Variants in MINK1 observed in about 807,000 individuals in gnomAD.
MINK1 encodes misshapen like kinase 1.
In MINK1, 46 loss-of-function variants were observed where a neutral mutation model predicts 178.4. That is an observed-to-expected ratio of 0.26 (90% CI 0.20 to 0.33). MINK1 has a LOEUF of 0.33. Ranked by LOEUF, MINK1 falls within the 10% of genes least tolerant of loss-of-function variation. The pLI is 1.00. For missense variants in MINK1, 1,366 were observed against 1,814.9 expected, an observed-to-expected ratio of 0.75 and a Z score of 4.49; for synonymous variants, 797 against 709.7, an observed-to-expected ratio of 1.12 and a Z score of -1.96.
chr17:4,844,541 G>T (rs763594308), intron 1 of MINK1: 17 of 505,998 alleles, frequency 3.4e-5, no homozygotes, highest in Non-Finnish European at 2.0e-5. Flanking sequence ...CGTATACCTG[G>T]GTCTTTTTGA....
At chr17:4,888,992 G>A (rs938394287) in intron 12 of MINK1, among the ~76,000 whole-genome samples, 18 of 152,066 alleles carry the variant, frequency 1.2e-4, no homozygotes, top group African/African-American at 1.7e-4. Flanking sequence ...GAGCCACCGC[G>A]CCCAGCCACA....
At chr17:4,878,497 A>G (rs552349024) in intron 2 of MINK1, 115 bp downstream of exon 2, 2 of 927,410 alleles carry the variant, frequency 2.2e-6, no homozygotes, top group East Asian at 5.7e-5. Flanking sequence ...GAGATGCTAG[A>G]GTCTAGGGCC....
Position 4,887,892 on chromosome 17 carries a change from A to C in MINK1, c.1230+102A>C. 1 of 885,744 alleles carries C rather than the reference A, an allele frequency of 1.1e-6. No individual in the cohort carries two copies. The highest frequency in any genetic ancestry group is 3.6e-5 in the Admixed American group (1 of 27,670). 54.9% of individuals were successfully genotyped at this position (885,744 alleles called of 1,614,324 possible). A position where few individuals can be genotyped will look rare whatever the true frequency, so the allele number is the denominator to read the frequency against. ...ACAGGTTTTAAAATGCCTTAAATGA[A>C]TGGCATTTCTGTTGAAACAATTATA... On this transcript the variant is annotated intron_variant, in intron 12 of 31. Coordinates refer to ENST00000355280, the MANE Select transcript of MINK1 (RefSeq NM_153827.5). This position sits in a 1 kb window ranked among gnomAD's most constrained non-coding sequence, Gnocchi z 7.6.
intron 1 of MINK1, chr17:4,871,208 G>A (rs1193419705): frequency 2.8e-5 from 5 of 177,156 alleles, no homozygotes; most frequent in Non-Finnish European, 6.0e-5. Context: ...TTTTTTAGAG[G>A]CAGGGTCTCA....
chr17:4,886,852 C>T lies in MINK1; in HGVS notation c.949+226C>T, dbSNP rs1968252384. Among the ~76,000 whole-genome samples, 1 of 152,228 alleles carries T rather than the reference C, an allele frequency of 6.6e-6. No homozygotes were observed. Among genetic ancestry groups the T allele is most frequent in the South Asian group, 2.1e-4 (1 of 4,828 alleles). On this transcript the variant is annotated intron_variant, in intron 10 of 31. Coordinates refer to ENST00000355280, the MANE Select transcript of MINK1 (RefSeq NM_153827.5). The surrounding 1 kb of genome is among the most constrained non-coding windows in gnomAD (Gnocchi z 6.1). ...GGAGGACCGGCCTTTCGCATCCTTA[C>T]AAAAACTCCATGCTAAGCACATGTG...
chr17:4,891,543 C>T lies in MINK1; in HGVS notation c.1828C>T (p.Leu610=). Residue 610 remains leucine, a synonymous_variant, in exon 16 of 32, where the codon CTG becomes TTG. Coordinates refer to ENST00000355280, the MANE Select transcript of MINK1 (RefSeq NM_153827.5). ...CCTGCAGGACCAGCCCACCCGAAAC[C>T]TGGCTGCCTTCCCAGCCTCCCATGA... ...QSLQDQPTRN[L]AAFPASHDPD... 6.2e-7 allele frequency: 1 copy of T among 1,610,170 alleles called. No individual in the cohort carries two copies. Among genetic ancestry groups the T allele is most frequent in the South Asian group, 1.1e-5 (1 of 90,116 alleles).
In MINK1 at chr17:4,895,173, A is replaced by G. The variant is rs202185297; in HGVS notation, c.3016A>G (p.Ser1006Gly). ...NVNPTNTRAH[S>G]ETPEIRKYKK... ...GAATCCCACCAACACCCGGGCCCAC[A>G]GTGAGACCCCTGAGATCCGGAAGTA... The change falls in exon 25 of 32, where the codon AGT (serine) becomes GGT (glycine). Residue 1006 changes from serine (S) to glycine (G), a missense_variant. Ser to Gly is a moderately conservative substitution (Grantham distance 56). Coordinates refer to ENST00000355280, the MANE Select transcript of MINK1 (RefSeq NM_153827.5). This position sits in a 1 kb window ranked among gnomAD's most constrained non-coding sequence, Gnocchi z 4.3. The G allele has an allele frequency of 4.5e-5, 73 of 1,613,952 alleles. No homozygotes were observed. The Admixed American group carries it at 5.8e-4, about 13-fold the overall frequency.
intron 1 of MINK1, among the ~76,000 whole-genome samples, chr17:4,873,082 G>A (rs990607511): frequency 1.6e-4 from 25 of 152,058 alleles, no homozygotes; most frequent in Admixed American, 1.3e-3. Context: ...CTGCTCTGCC[G>A]CATTCGAGGC....
intron 1 of MINK1, among the ~76,000 whole-genome samples, chr17:4,839,939 ATGTGTGTGTGTGTGTGTGTGTG>A (rs34473686): frequency 4.9e-4 from 69 of 141,980 alleles, no homozygotes; most frequent in South Asian, 1.6e-3. Flanking sequence ...TTATTTATTA[ATGTGTGTGTGTGTGTGTGTGTG>A]TGTGTGTGTG....
At position 4,895,562 on chromosome 17, in the gene MINK1, G is replaced by C; in HGVS notation, c.3229+69G>C. On this transcript the variant is annotated intron_variant, in intron 26 of 31. Transcript: ENST00000355280. This position sits in a 1 kb window ranked among gnomAD's most constrained non-coding sequence, Gnocchi z 4.3. ...TTGGCGCTGTCACCATCTTCTGCCT[G>C]GGAGGAGGGCAGGCACTGGAAGGTG... 1 of 1,550,510 alleles carries C rather than the reference G, an allele frequency of 6.4e-7. No individual in the cohort carries two copies. The highest frequency in any genetic ancestry group is 1.8e-5 in the Admixed American group (1 of 54,832).
intron 16 of MINK1, 61 bp downstream of exon 16, chr17:4,891,777 C>G (rs1968845050): frequency 6.6e-7 from 1 of 1,522,660 alleles, no homozygotes; most frequent in Admixed American, 2.1e-5. Context: ...AGAAGGAGGG[C>G]AGTGAAGGGG....
chr17:4,887,301 G>T lies in MINK1; in HGVS notation c.1019+122G>T. On this transcript the variant is annotated intron_variant, in intron 11 of 31. Transcript: ENST00000355280. The surrounding 1 kb of genome is among the most constrained non-coding windows in gnomAD (Gnocchi z 7.6). ...TGGGCACAGAGAGGTAGAGACTCCT[G>T]GAAACCAAATTTCTGAGTGCTAAGA... 9.6e-7 allele frequency: 1 copy of T among 1,042,662 alleles called. No individual in the cohort carries two copies. 64.6% of individuals were successfully genotyped at this position (1,042,662 alleles called of 1,614,324 possible).
At chr17:4,861,165 AC>A (rs1914108926) in intron 1 of MINK1, among the ~76,000 whole-genome samples, 1 of 152,182 alleles carries the variant, frequency 6.6e-6, no homozygotes, top group South Asian at 2.1e-4. Context: ...ACAGGAGCAA[AC>A]CACAGGCAGC....
At chr17:4,867,136 C>CTTT (rs1915122997) in intron 1 of MINK1, among the ~76,000 whole-genome samples, 3 of 69,966 alleles carry the variant, frequency 4.3e-5, no homozygotes, top group African/African-American at 1.8e-4. Flanking sequence ...GCTCTTAGGA[C>CTTT]TGTTTTTTTT....
intron 14 of MINK1, 56 bp downstream of exon 14, chr17:4,890,791 A>AG: frequency 9.2e-6 from 14 of 1,527,390 alleles, no homozygotes; most frequent in Non-Finnish European, 1.2e-5. Flanking sequence ...TGAGGCCTGG[A>AG]GAGCCACAAG....
At chr17:4,844,664 A>T (rs1597382627) in intron 1 of MINK1, 8 of 422,442 alleles carry the variant, frequency 1.9e-5, no homozygotes, top group South Asian at 1.4e-4. Flanking sequence ...ACTAATAGAG[A>T]TTTCTAAATG....
intron 1 of MINK1, among the ~76,000 whole-genome samples, chr17:4,867,667 GTCACAGCTACTTGGGAGGCTGGTAA>G (rs1183847106): frequency 6.6e-6 from 1 of 151,846 alleles, no homozygotes; most frequent in Admixed American, 6.6e-5. Context: ...AGGTATGGTG[GTCACAGCTACTTGGGAGGCTGGTAA>G]TCACAGCTAC....
At chr17:4,892,836 G>A in intron 19 of MINK1, 68 bp downstream of exon 19, 6 of 1,480,666 alleles carry the variant, frequency 4.1e-6, no homozygotes, top group Non-Finnish European at 5.5e-6. Flanking sequence ...CCTGCCTTTG[G>A]TGGCTTTGGA....
Position 4,859,882 on chromosome 17 carries a change from C to A in MINK1, c.58-18435C>A, listed in dbSNP as rs949536400. 3.9e-5 allele frequency among the ~76,000 whole-genome samples: 6 copies of A among 151,940 alleles called. No individual in the cohort carries two copies. The South Asian group carries it at 1.2e-3, about 32-fold the overall frequency. The stretch of plus-strand genomic sequence containing the variant: ...AGTACTTAAAAAAAAAACCTTTACC[C>A]CTCAAAGGGTTTCATCTACATGCAA... On this transcript the variant is annotated intron_variant, in intron 1 of 31. Transcript: ENST00000355280.
Sources: allele counts gnomAD v4.1 joint callset (sites outside exome capture counted in the v4.1 genomes callset), GRCh38; gene constraint gnomAD v4.1.1; non-coding constraint Gnocchi (gnomAD v3.1); transcripts MANE v1.5; gene names NCBI Gene and HGNC (gene_info 2026-07-23, HGNC 2026-07-21).